SEZ6L: variants seen among roughly 807,000 people sequenced by gnomAD.
SEZ6L encodes the protein seizure 6-like protein.
A neutral mutation model predicts 106.2 loss-of-function variants in SEZ6L; 37 were observed. The observed-to-expected ratio is 0.35, with a 90% CI of 0.27 to 0.46. The LOEUF (loss-of-function observed/expected upper bound fraction) is 0.46, where lower values mean the gene tolerates loss of function less well. SEZ6L is among the 20% of genes least tolerant of loss of function. The pLI is 1.00. For synonymous variants in SEZ6L, 541 were observed against 570.4 expected (o/e 0.95, Z 0.73); for missense variants, 1,172 against 1,332.8 (o/e 0.88, Z 1.88).
At chr22:26,363,710 T>C (rs571929522) in intron 12 of SEZ6L, among the ~76,000 whole-genome samples, 111 of 152,336 alleles carry the variant, frequency 7.3e-4, no homozygotes, top group African/African-American at 2.4e-3. Flanking sequence ...GCTTAACATG[T>C]ACACCCATGT....
At chr22:26,304,369 G>GAAGAAAGAAGA (rs1875566245) in intron 5 of SEZ6L, among the ~76,000 whole-genome samples, 3 of 98,300 alleles carry the variant, frequency 3.1e-5, no homozygotes, top group Admixed American at 1.2e-4. Flanking sequence ...AAAAAAGAAA[G>GAAGAAAGAAGA]AAGAAAGAAA....
intron 2 of SEZ6L, among the ~76,000 whole-genome samples, chr22:26,293,485 G>T (rs1363193269): frequency 6.6e-6 from 1 of 152,116 alleles, no homozygotes; most frequent in Admixed American, 6.5e-5. Flanking sequence ...CATGCACTAT[G>T]ATGTCCAGCT....
chr22:26,308,818 A>G (rs2081722682), intron 6 of SEZ6L, among the ~76,000 whole-genome samples: 1 of 152,252 alleles, frequency 6.6e-6, no homozygotes, highest in African/African-American at 2.4e-5. Context: ...AATAGACTAC[A>G]GAGATTTTGA....
intron 1 of SEZ6L, among the ~76,000 whole-genome samples, chr22:26,190,645 C>T (rs1940129377): frequency 6.6e-6 from 1 of 152,122 alleles, no homozygotes; most frequent in Admixed American, 6.5e-5. Flanking sequence ...CATCTTTGAA[C>T]AAGTCGCTGA....
chr22:26,274,126 A>T (rs1274717078), intron 1 of SEZ6L, among the ~76,000 whole-genome samples: 2 of 152,214 alleles, frequency 1.3e-5, no homozygotes, highest in Non-Finnish European at 2.9e-5. Context: ...CAGAACTGCC[A>T]TCTATAATCT....
intron 12 of SEZ6L, among the ~76,000 whole-genome samples, chr22:26,357,810 C>T (rs1375367920): frequency 6.6e-6 from 1 of 152,202 alleles, no homozygotes; most frequent in Non-Finnish European, 1.5e-5. Context: ...AACTTCCCCT[C>T]TTTGATAAGG....
intron 1 of SEZ6L, among the ~76,000 whole-genome samples, chr22:26,258,942 G>A (rs954312777): frequency 6.6e-6 from 1 of 152,230 alleles, no homozygotes; most frequent in African/African-American, 2.4e-5. Context: ...TCTTTTGGAG[G>A]GAGAGATTGG....
intron 1 of SEZ6L, among the ~76,000 whole-genome samples, chr22:26,227,279 C>T (rs897831743): frequency 6.0e-5 from 9 of 149,928 alleles, no homozygotes; most frequent in African/African-American, 2.2e-4. Flanking sequence ...TTTCCTCAAG[C>T]ATAAAAACTG....
At chr22:26,290,093 T>C (rs949272357) in intron 1 of SEZ6L, among the ~76,000 whole-genome samples, 2 of 152,188 alleles carry the variant, frequency 1.3e-5, no homozygotes, top group African/African-American at 2.4e-5. Context: ...TAGGAAATAA[T>C]AGCCCCATTT....
At chr22:26,309,125 A>G (rs1395490141) in intron 6 of SEZ6L, among the ~76,000 whole-genome samples, 2 of 152,244 alleles carry the variant, frequency 1.3e-5, no homozygotes, top group African/African-American at 2.4e-5. Flanking sequence ...ATGAGTCAGT[A>G]AAAACCTCAA....
chr22:26,351,346 G>A (rs1392677859), intron 12 of SEZ6L, 103 bp downstream of exon 12: 22 of 979,798 alleles, frequency 2.2e-5, no homozygotes, highest in Non-Finnish European at 3.0e-5. Flanking sequence ...TCTGCTTTTC[G>A]ACAGGGGCTT....
At chr22:26,187,032 C>T (rs1939828407) in intron 1 of SEZ6L, among the ~76,000 whole-genome samples, 1 of 152,154 alleles carries the variant, frequency 6.6e-6, no homozygotes, top group Admixed American at 6.5e-5. Context: ...ATAGGGTCAC[C>T]TCTTCTAGCC....
chr22:26,291,080 G>A (rs1256106472), intron 1 of SEZ6L, among the ~76,000 whole-genome samples: 1 of 152,138 alleles, frequency 6.6e-6, no homozygotes, highest in Non-Finnish European at 1.5e-5. Flanking sequence ...CCCATTACTG[G>A]GTCCCATTAC....
intron 1 of SEZ6L, among the ~76,000 whole-genome samples, chr22:26,186,885 G>T (rs1224146427): frequency 6.6e-6 from 1 of 152,118 alleles, no homozygotes; most frequent in Non-Finnish European, 1.5e-5. Flanking sequence ...TAGGAGCACG[G>T]GAGGGGATTT....
Position 26,375,538 on chromosome 22 carries a change from C to G in SEZ6L, c.2828-37C>G, listed in dbSNP as rs202008444. On this transcript the variant is annotated intron_variant, in intron 14 of 16. Transcript: ENST00000248933. ...TTGGGCACTCACTGGGAGTCAGCTACCTGGGAAATGAGGACCTCACTGGCT... is the reference window on the plus strand; with the variant it reads ...TTGGGCACTCACTGGGAGTCAGCTAGCTGGGAAATGAGGACCTCACTGGCT... 81 of 1,565,256 alleles carry G rather than the reference C, an allele frequency of 5.2e-5. No individual in the cohort carries two copies. In the African/African-American group the frequency reaches 9.3e-4, roughly 18 times the overall value.
At chr22:26,316,699 G>T (rs1164421414) in intron 9 of SEZ6L, among the ~76,000 whole-genome samples, 1 of 152,060 alleles carries the variant, frequency 6.6e-6, no homozygotes, top group Non-Finnish European at 1.5e-5. Flanking sequence ...AGGCGTGGTG[G>T]TGGGTGCCTG....
At chr22:26,198,215 A>G (rs1320019997) in intron 1 of SEZ6L, among the ~76,000 whole-genome samples, 1 of 152,266 alleles carries the variant, frequency 6.6e-6, no homozygotes, top group Non-Finnish European at 1.5e-5. Context: ...TGTGAAACAG[A>G]GGTGATCAGA....
intron 9 of SEZ6L, among the ~76,000 whole-genome samples, chr22:26,317,729 G>T (rs2082044741): frequency 6.6e-6 from 1 of 152,024 alleles, no homozygotes; most frequent in Non-Finnish European, 1.5e-5. Context: ...CTTGCAGCGG[G>T]GGCAGGCTTT....
chr22:26,312,780 G>T lies in SEZ6L; in HGVS notation c.1876+818G>T, dbSNP rs184340983. Among the ~76,000 whole-genome samples the T allele has an allele frequency of 1.6e-4, 25 of 152,328 alleles. No homozygotes were observed. In the East Asian group the frequency reaches 4.3e-3, roughly 26 times the overall value. On this transcript the variant is annotated intron_variant, in intron 8 of 16. Transcript: ENST00000248933. Reference sequence around the variant, plus strand: ...AAACGGGGTTTCACCATATCAGCCAGGCTGGTCTCGAACTCCTGACCTCAA... The same window carrying T: ...AAACGGGGTTTCACCATATCAGCCATGCTGGTCTCGAACTCCTGACCTCAA...
Sources: gnomAD v4.1 joint callset for allele counts (sites outside exome capture counted in the v4.1 genomes callset) on GRCh38, gnomAD v4.1.1 for gene constraint, MANE v1.5 for transcripts, NCBI Gene and HGNC (gene_info 2026-07-23, HGNC 2026-07-21) for gene names.